The following PIK3AP1 variants were observed in gnomAD, a reference collection of about 807,000 sequenced individuals.
PIK3AP1 encodes phosphoinositide 3-kinase adapter protein 1.
Under a neutral mutation model 88.1 loss-of-function variants are expected in PIK3AP1, and 21 were observed. That is an observed-to-expected ratio of 0.24 (90% CI 0.17 to 0.34). The LOEUF is 0.34. Ranked by LOEUF, PIK3AP1 falls within the 10% of genes least tolerant of loss-of-function variation. The pLI, the probability that PIK3AP1 is intolerant of heterozygous loss-of-function variation, is 1.00. For missense variants in PIK3AP1, 828 were observed against 1,035.7 expected (o/e 0.80, Z 2.75); for synonymous variants, 398 against 400.0 (o/e 1.00, Z 0.06).
intron 2 of PIK3AP1, among the ~76,000 whole-genome samples, chr10:96,685,889 A>C (rs940388518): frequency 8.5e-5 from 13 of 152,256 alleles, no homozygotes; most frequent in Admixed American, 2.0e-4. Context: ...CAACAGACTA[A>C]TGCCCACACA....
intron 2 of PIK3AP1, among the ~76,000 whole-genome samples, chr10:96,696,941 G>A (rs1053452992): frequency 2.0e-5 from 3 of 152,186 alleles, no homozygotes; most frequent in African/African-American, 7.2e-5. Flanking sequence ...ATCACACATA[G>A]TTGGAATTAA....
At chr10:96,647,212 T>G (rs987689607) in intron 7 of PIK3AP1, among the ~76,000 whole-genome samples, 3 of 152,164 alleles carry the variant, frequency 2.0e-5, no homozygotes, top group Non-Finnish European at 4.4e-5. Context: ...ACATCCCAGT[T>G]AAATACAACA....
chr10:96,651,078 A>G (rs1488559361), intron 6 of PIK3AP1, among the ~76,000 whole-genome samples, 170 bp downstream of exon 6: 1 of 152,252 alleles, frequency 6.6e-6, no homozygotes. Flanking sequence ...TTTGCAATTG[A>G]GAAGAATGAG....
intron 2 of PIK3AP1, among the ~76,000 whole-genome samples, chr10:96,689,639 TC>T (rs1415436731): frequency 1.3e-5 from 2 of 149,912 alleles, no homozygotes; most frequent in Admixed American, 1.3e-4. Flanking sequence ...TTCAGTGTCA[TC>T]CTCTCCATGA....
At chr10:96,614,622 A>G (rs906101743) in intron 13 of PIK3AP1, among the ~76,000 whole-genome samples, 9 of 152,180 alleles carry the variant, frequency 5.9e-5, no homozygotes, top group Non-Finnish European at 5.9e-5. Context: ...GGCATGGTGG[A>G]ACAGACCCTA....
At chr10:96,689,617 C>T (rs1395377381) in intron 2 of PIK3AP1, among the ~76,000 whole-genome samples, 1 of 150,584 alleles carries the variant, frequency 6.6e-6, no homozygotes, top group Non-Finnish European at 1.5e-5. Flanking sequence ...CTCTTAAAAT[C>T]CAATCCTTTC....
At chr10:96,667,102 G>A (rs753540822) in intron 2 of PIK3AP1, among the ~76,000 whole-genome samples, 3 of 152,204 alleles carry the variant, frequency 2.0e-5, no homozygotes, top group Non-Finnish European at 2.9e-5. Flanking sequence ...CCAAGGATGG[G>A]GTTTAAGTCA....
At chr10:96,699,911 G>A (rs1027887495) in intron 2 of PIK3AP1, among the ~76,000 whole-genome samples, 2 of 152,226 alleles carry the variant, frequency 1.3e-5, no homozygotes, top group Non-Finnish European at 2.9e-5. Flanking sequence ...GGGTAACACA[G>A]ATGTCAGGTC....
At chr10:96,713,246 C>A (rs1844460581) in intron 1 of PIK3AP1, among the ~76,000 whole-genome samples, 1 of 151,756 alleles carries the variant, frequency 6.6e-6, no homozygotes, top group South Asian at 2.1e-4. Flanking sequence ...ACCTGTAATC[C>A]CAGCACTTTG....
At chr10:96,705,806 C>T (rs1844354100) in intron 2 of PIK3AP1, among the ~76,000 whole-genome samples, 1 of 149,908 alleles carries the variant, frequency 6.7e-6, no homozygotes, top group Non-Finnish European at 1.5e-5. Context: ...AGGTCTCAAA[C>T]TTCAAAGCAG....
chr10:96,634,660 C>T (rs956538639), intron 8 of PIK3AP1, among the ~76,000 whole-genome samples: 2 of 152,156 alleles, frequency 1.3e-5, no homozygotes, highest in South Asian at 4.1e-4. Context: ...ACTAACAGTG[C>T]CAGGCACTAC....
chr10:96,606,648 G>A (rs939101693), intron 14 of PIK3AP1, among the ~76,000 whole-genome samples: 4 of 152,186 alleles, frequency 2.6e-5, no homozygotes, highest in South Asian at 2.1e-4. Context: ...CAGGGGGAAG[G>A]GGGGCAGTGC....
intron 2 of PIK3AP1, among the ~76,000 whole-genome samples, chr10:96,664,276 T>A (rs982123878): frequency 3.3e-5 from 5 of 152,184 alleles, no homozygotes; most frequent in Non-Finnish European, 4.4e-5. Context: ...AAGCAGGATA[T>A]AAAATTATAT....
chr10:96,710,167 A>G (rs1281645963), intron 1 of PIK3AP1, among the ~76,000 whole-genome samples, 184 bp from the exon 2 acceptor site: 2 of 152,074 alleles, frequency 1.3e-5, no homozygotes, highest in African/African-American at 4.8e-5. Flanking sequence ...CTGTGTTCCA[A>G]TCATACCAGA....
At chr10:96,680,652 T>A (rs1843987146) in intron 2 of PIK3AP1, among the ~76,000 whole-genome samples, 1 of 152,254 alleles carries the variant, frequency 6.6e-6, no homozygotes, top group Non-Finnish European at 1.5e-5. Context: ...TTCTTTTTTA[T>A]GGCTGCATAA....
At position 96,651,330 on chromosome 10, in the gene PIK3AP1, G is replaced by A. The variant is rs753578934; in HGVS notation, c.906C>T (p.Thr302=). 9.3e-6 allele frequency: 15 copies of A among 1,613,998 alleles called. No individual in the cohort carries two copies. The highest frequency in any genetic ancestry group is 4.5e-5 in the East Asian group (2 of 44,904). ...YNTETLDKLL[T]ESLKNNIPAS... is the part of the protein sequence containing the mutation. ...CAGGGATATTGTTCTTCAGGGATTC[G>A]GTTAGCAGTTTATCAAGGGTCTCTG... is the stretch of plus-strand genomic sequence containing the variant. Residue 302 remains threonine, a synonymous_variant, in exon 6 of 17, where the codon ACC becomes ACT. Coordinates refer to ENST00000339364, the MANE Select transcript of PIK3AP1 (RefSeq NM_152309.3).
At chr10:96,656,515 G>T (rs1260385835) in intron 3 of PIK3AP1, among the ~76,000 whole-genome samples, 1 of 152,160 alleles carries the variant, frequency 6.6e-6, no homozygotes, top group African/African-American at 2.4e-5. Flanking sequence ...TGTCTGGAAT[G>T]CTCCTGTCTG....
At chr10:96,679,144 A>T (rs551695582) in intron 2 of PIK3AP1, among the ~76,000 whole-genome samples, 1 of 152,010 alleles carries the variant, frequency 6.6e-6, no homozygotes, top group Non-Finnish European at 1.5e-5. Flanking sequence ...ACACTCAAGG[A>T]TTTTTTTTTA....
chr10:96,655,357 A>T (rs1843600923), intron 3 of PIK3AP1, among the ~76,000 whole-genome samples: 1 of 152,162 alleles, frequency 6.6e-6, no homozygotes, highest in South Asian at 2.1e-4. Flanking sequence ...TACAAAAAAA[A>T]TTAGCCAGGC....
Sources: allele counts gnomAD v4.1 joint callset (sites outside exome capture counted in the v4.1 genomes callset), GRCh38; gene constraint gnomAD v4.1.1; transcripts MANE v1.5; gene names NCBI Gene and HGNC (gene_info 2026-07-23, HGNC 2026-07-21).